Variants in CDK17 observed in about 807,000 individuals in gnomAD.
The protein encoded by CDK17 is cyclin-dependent kinase 17.
In CDK17, 24 loss-of-function variants were observed where a neutral mutation model predicts 77.6. The observed-to-expected ratio is 0.31, with a 90% CI of 0.22 to 0.44. The LOEUF is 0.44. Among genes scored for constraint, CDK17 ranks in the 20% least tolerant of loss-of-function variants. The pLI is 1.00. For missense variants in CDK17, 429 were observed against 622.5 expected, an observed-to-expected ratio of 0.69 and a Z score of 3.31; for synonymous variants, 203 against 210.4, an observed-to-expected ratio of 0.96 and a Z score of 0.30.
At chr12:96,355,582 A>G (rs1020684774) in intron 1 of CDK17, among the ~76,000 whole-genome samples, 2 of 151,330 alleles carry the variant, frequency 1.3e-5, no homozygotes, top group African/African-American at 4.9e-5. Flanking sequence ...TTTTTTCTGT[A>G]TTTTTAGTAG....
rs1210475335 is a variant in CDK17 at position 96,400,287 on chromosome 12, G to GCGGCGGGCGCCGA, written c.-344_-332dup. 7 of 391,218 alleles carry GCGGCGGGCGCCGA rather than the reference G, an allele frequency of 1.8e-5. No individual in the cohort carries two copies. The highest frequency in any genetic ancestry group is 2.7e-5 in the Non-Finnish European group (6 of 221,242). 24.2% of individuals were successfully genotyped at this position (391,218 alleles called of 1,614,324 possible). On this transcript the variant is annotated 5_prime_UTR_variant, in exon 1 of 17. Transcript: ENST00000261211. The stretch of plus-strand genomic sequence containing the variant: ...CCCCTCGGAGCAGCCGGGCGCGAGC[G>GCGGCGGGCGCCGA]CGGCGGGCGCCGACGGCGGGCTGAG...
intron 1 of CDK17, among the ~76,000 whole-genome samples, chr12:96,375,976 G>C (rs763681762): frequency 1.3e-4 from 20 of 152,160 alleles, no homozygotes; most frequent in Non-Finnish European, 2.9e-4. Context: ...CTTTGCAAAT[G>C]AGCCTAAGAA....
At chr12:96,302,582 A>T (rs1264599403) in intron 5 of CDK17, among the ~76,000 whole-genome samples, 1 of 152,164 alleles carries the variant, frequency 6.6e-6, no homozygotes, top group African/African-American at 2.4e-5. Context: ...CCTGAAAAAA[A>T]TATTTAAAAT....
In CDK17 at chr12:96,381,549, C is replaced by T. The variant is rs200307581; in HGVS notation, c.-30+18437G>A. On this transcript the variant is annotated intron_variant, in intron 1 of 16. Coordinates refer to ENST00000261211, the MANE Select transcript of CDK17 (RefSeq NM_002595.5). ...CTTCTAGTGAGCTGAAAGGATCATCCGCAATTTTCCTCCCATAAACTCTAC... is the reference window on the plus strand; with the variant it reads ...CTTCTAGTGAGCTGAAAGGATCATCTGCAATTTTCCTCCCATAAACTCTAC... Among the ~76,000 whole-genome samples the T allele has an allele frequency of 9.9e-5, 15 of 151,876 alleles. No individual in the cohort carries two copies. In the East Asian group the frequency reaches 1.2e-3, roughly 12 times the overall value.
At chr12:96,393,058 G>C (rs568375566) in intron 1 of CDK17, among the ~76,000 whole-genome samples, 3 of 152,128 alleles carry the variant, frequency 2.0e-5, no homozygotes, top group African/African-American at 7.2e-5. Context: ...GAGACATAAA[G>C]GACCACTTCT....
At chr12:96,356,468 T>C (rs1365413064) in intron 1 of CDK17, among the ~76,000 whole-genome samples, 1 of 152,166 alleles carries the variant, frequency 6.6e-6, no homozygotes, top group Non-Finnish European at 1.5e-5. Flanking sequence ...AGCTAATATT[T>C]GTTTTTGTAG....
chr12:96,364,714 G>A (rs573979121), intron 1 of CDK17, among the ~76,000 whole-genome samples: 2 of 152,114 alleles, frequency 1.3e-5, no homozygotes, highest in African/African-American at 2.4e-5. Flanking sequence ...ACTTCCATAG[G>A]CTTGCTCTTT....
chr12:96,398,320 T>C (rs901547940), intron 1 of CDK17, among the ~76,000 whole-genome samples: 1 of 152,218 alleles, frequency 6.6e-6, no homozygotes, highest in Non-Finnish European at 1.5e-5. Context: ...ATGCAGATGT[T>C]AAGAGTTGCA....
chr12:96,331,957 ACAT>A (rs1381663908), intron 2 of CDK17, among the ~76,000 whole-genome samples: 13 of 152,210 alleles, frequency 8.5e-5, no homozygotes. Flanking sequence ...ACAATGACAG[ACAT>A]CATATACAAC....
chr12:96,297,654 T>C lies in CDK17; in HGVS notation c.783A>G (p.Lys261=), dbSNP rs1191803093. The part of the protein sequence containing the change: ...VTLHDIVHTD[K]SLTLVFEYLD... ...GATACTCAAACACCAAAGTCAAGGA[T>C]TTATCTGTGTGAACAATGTCATGTA... The change falls in exon 8 of 17, where the codon AAA becomes AAG. Residue 261 remains lysine, a synonymous_variant. Coordinates refer to ENST00000261211, the MANE Select transcript of CDK17 (RefSeq NM_002595.5). The C allele has an allele frequency of 6.2e-7, 1 of 1,602,700 alleles. No individual in the cohort carries two copies. Among genetic ancestry groups the C allele is most frequent in the Non-Finnish European group, 8.5e-7 (1 of 1,170,904 alleles).
At chr12:96,345,244 T>C (rs112437123) in intron 1 of CDK17, among the ~76,000 whole-genome samples, 2,089 of 152,350 alleles carry the variant, frequency 0.014, 30 homozygotes, top group Non-Finnish European at 0.022. Flanking sequence ...GGCATTTGGG[T>C]TGATTCCATG....
At chr12:96,391,264 C>T (rs889001587) in intron 1 of CDK17, among the ~76,000 whole-genome samples, 5 of 148,658 alleles carry the variant, frequency 3.4e-5, no homozygotes, top group African/African-American at 7.4e-5. Context: ...GATTTTGGGG[C>T]GGGGGGTTGT....
rs376198146 is a variant in CDK17, at chr12:96,297,717, T to C, written c.720A>G (p.Ser240=). 8.4e-6 allele frequency: 13 copies of C among 1,539,504 alleles called. No individual in the cohort carries two copies. Among genetic ancestry groups the C allele is most frequent in the Admixed American group, 3.6e-5 (2 of 55,838 alleles). The change falls in exon 8 of 17, where the codon TCA becomes TCG. Residue 240 remains serine, a synonymous_variant. Coordinates refer to ENST00000261211, the MANE Select transcript of CDK17 (RefSeq NM_002595.5). ...TTGCATGTTTTAAATCCTTTAATAG[T>C]GAAACTGCAAAACAGAAAAAGAAAA... ...GAPCTAIREV[S]LLKDLKHANI... is the part of the protein sequence containing the mutation.
In CDK17 at chr12:96,392,257, T is replaced by A. The variant is rs547525205; in HGVS notation, c.-30+7729A>T. Among the ~76,000 whole-genome samples, 12 of 152,328 alleles carry A rather than the reference T, an allele frequency of 7.9e-5. No homozygotes were observed. The East Asian group carries it at 2.1e-3, about 27-fold the overall frequency. On this transcript the variant is annotated intron_variant, in intron 1 of 16. Transcript: ENST00000261211. ...AATGAGAATTTCTCTACAAGTGTCA[T>A]AGCATTGTAATATCAACATACCAGT...
chr12:96,329,519 A>C (rs1343857343), intron 2 of CDK17, among the ~76,000 whole-genome samples: 1 of 152,146 alleles, frequency 6.6e-6, no homozygotes, highest in African/African-American at 2.4e-5. Context: ...TCATAGCCCA[A>C]CTTGTAGCCT....
At chr12:96,284,889 T>C (rs1223218618) in intron 13 of CDK17, among the ~76,000 whole-genome samples, 1 of 152,148 alleles carries the variant, frequency 6.6e-6, no homozygotes, top group African/African-American at 2.4e-5. Flanking sequence ...TGGAATAATC[T>C]CTTGATCAGA....
intron 1 of CDK17, among the ~76,000 whole-genome samples, chr12:96,359,266 T>C (rs1358548135): frequency 1.3e-5 from 2 of 152,250 alleles, no homozygotes; most frequent in Non-Finnish European, 1.5e-5. Context: ...CAACTGTTTT[T>C]ATCTGAGATG....
chr12:96,357,088 G>C (rs1953405282), intron 1 of CDK17, among the ~76,000 whole-genome samples: 2 of 152,142 alleles, frequency 1.3e-5, no homozygotes, highest in Non-Finnish European at 2.9e-5. Context: ...ATAGAACCAA[G>C]AGAGCAACTG....
Position 96,297,257 on chromosome 12 carries a change from CAAG to C in CDK17, c.873+10_873+12del. 6.3e-7 allele frequency: 1 copy of C among 1,581,620 alleles called. No homozygotes were observed. The highest frequency in any genetic ancestry group is 8.7e-7 in the Non-Finnish European group (1 of 1,154,160). The stretch of plus-strand genomic sequence containing the variant: ...AAACAAAATTTAAAAATTACACACG[CAAG>C]AAAACATACCTTTACGTTGTGCATA... On this transcript the variant is annotated intron_variant, in intron 9 of 16. Transcript: ENST00000261211.
Sources: gnomAD v4.1 joint callset for allele counts (sites outside exome capture counted in the v4.1 genomes callset) on GRCh38, gnomAD v4.1.1 for gene constraint, MANE v1.5 for transcripts, NCBI Gene and HGNC (gene_info 2026-07-23, HGNC 2026-07-21) for gene names.